The following ASTN2 variants were observed in gnomAD, a reference collection of about 807,000 sequenced individuals.
ASTN2 encodes the protein astrotactin 2.
In ASTN2, 54 loss-of-function variants were observed where a neutral mutation model predicts 139.8. The ratio of observed to expected loss-of-function variants is 0.39; its 90% CI spans 0.31 to 0.48. The LOEUF is 0.48. Among genes scored for constraint, ASTN2 ranks in the 20% least tolerant of loss-of-function variants. The pLI, the probability that ASTN2 is intolerant of heterozygous loss-of-function variation, is 0.95. For missense variants in ASTN2, 1,565 were observed against 1,725.1 expected, an observed-to-expected ratio of 0.91 and a Z score of 1.64; for synonymous variants, 756 against 719.5, an observed-to-expected ratio of 1.05 and a Z score of -0.81.
At chr9:117,249,211 G>A (rs550064339) in intron 2 of ASTN2, among the ~76,000 whole-genome samples, 36 of 152,184 alleles carry the variant, frequency 2.4e-4, no homozygotes, top group African/African-American at 8.7e-4. Context: ...AGAAAAACAA[G>A]GCAATAAACC....
At chr9:116,997,488 G>A (rs1837059532) in intron 7 of ASTN2, among the ~76,000 whole-genome samples, 1 of 151,944 alleles carries the variant, frequency 6.6e-6, no homozygotes, top group African/African-American at 2.4e-5. Context: ...TTTTTTTCAA[G>A]TCAACTTATT....
chr9:117,414,839 G>A lies in ASTN2; in HGVS notation c.100C>T (p.Leu34=), dbSNP rs2130989124. The change falls in exon 1 of 23, where the codon CTG becomes TTG. Residue 34 remains leucine (L), a synonymous_variant. Transcript: ENST00000313400. The surrounding 1 kb of genome is among the most constrained non-coding windows in gnomAD (Gnocchi z 4.2). ...AGCAGGAGCAGGAACAGCAGCAGCA[G>A]CGGCAGCAGTGGCGGCGGCCCCGGG... is the stretch of plus-strand genomic sequence containing the variant. ...FHPGPPPLLP[L]LLLFLLLLPP... 2 of 1,164,486 alleles carry A rather than the reference G, an allele frequency of 1.7e-6. No individual in the cohort carries two copies. Among genetic ancestry groups the A allele is most frequent in the Non-Finnish European group, 1.1e-6 (1 of 941,426 alleles). The allele number at this position is 1,164,486 out of a possible 1,614,324, so 72.1% of individuals were successfully genotyped here.
intron 10 of ASTN2, among the ~76,000 whole-genome samples, chr9:116,911,640 C>T (rs886472333): frequency 6.6e-6 from 1 of 152,164 alleles, no homozygotes; most frequent in African/African-American, 2.4e-5. Flanking sequence ...CGCGGTGGCT[C>T]ACGCTTGTAA....
intron 16 of ASTN2, among the ~76,000 whole-genome samples, chr9:116,701,926 G>GTACT (rs1173171748): frequency 2.5e-5 from 3 of 120,748 alleles, no homozygotes; most frequent in African/African-American, 9.4e-5. Context: ...CAGTACCCTT[G>GTACT]TCCAAATAAA....
At chr9:117,246,046 G>A (rs1833371732) in intron 2 of ASTN2, among the ~76,000 whole-genome samples, 1 of 152,114 alleles carries the variant, frequency 6.6e-6, no homozygotes. Context: ...GCGTGGCATA[G>A]TGCATGGCAC....
At chr9:117,337,189 C>G (rs3924643) in intron 1 of ASTN2, among the ~76,000 whole-genome samples, 1 of 151,570 alleles carries the variant, frequency 6.6e-6, no homozygotes, top group African/African-American at 2.4e-5. Context: ...CAACAAATTA[C>G]TATGAAATGG....
chr9:116,508,080 G>A (rs1026784916), intron 19 of ASTN2, among the ~76,000 whole-genome samples: 6 of 152,020 alleles, frequency 3.9e-5, no homozygotes, highest in Admixed American at 6.6e-5. Flanking sequence ...TAGTAGAGAC[G>A]GGGTTTCTCC....
At position 117,414,648 on chromosome 9, in the gene ASTN2, TCCGGCCCCGGTCCCAGCC is replaced by T. The variant is rs1026273970; in HGVS notation, c.273_290del (p.Gly93_Ala98del). The T allele has an allele frequency of 2.2e-6, 3 of 1,362,482 alleles. No individual in the cohort carries two copies. Among genetic ancestry groups the T allele is most frequent in the African/African-American group, 3.3e-5 (2 of 60,870 alleles). 84.4% of individuals were successfully genotyped at this position (1,362,482 alleles called of 1,614,324 possible). A position where few individuals can be genotyped will look rare whatever the true frequency, so the allele number is the denominator to read the frequency against. On this transcript the variant is annotated inframe_deletion, in exon 1 of 23. Transcript: ENST00000313400. The surrounding 1 kb of genome is among the most constrained non-coding windows in gnomAD (Gnocchi z 4.2). ...CCGGGGACGCGGCGGCGGCGGCGGC[TCCGGCCCCGGTCCCAGCC>T]CCGGCCCCGGCGCGGGCGCCGCTCC...
In ASTN2 at chr9:116,699,644, C is replaced by CTGTT; in HGVS notation, c.2806+26123_2806+26126dup. On this transcript the variant is annotated intron_variant, in intron 16 of 22. Coordinates refer to ENST00000313400, the MANE Select transcript of ASTN2 (RefSeq NM_001365068.1). This position sits in a 1 kb window ranked among gnomAD's most constrained non-coding sequence, Gnocchi z 4.2. ...CTAAGGGGCAGCTGCTGGTCTTGGA[C>CTGTT]TGTTGGGATCATTGCATCAAGATCT... 6.2e-7 allele frequency: 1 copy of CTGTT among 1,614,148 alleles called. No homozygotes were observed. Among genetic ancestry groups the CTGTT allele is most frequent in the South Asian group, 1.1e-5 (1 of 91,076 alleles).
At chr9:117,159,422 G>T (rs1003759866) in intron 3 of ASTN2, among the ~76,000 whole-genome samples, 11 of 152,056 alleles carry the variant, frequency 7.2e-5, no homozygotes, top group African/African-American at 2.7e-4. Flanking sequence ...GCGGATGAAG[G>T]TTGATGAAGT....
chr9:117,295,949 G>T (rs963504196), intron 1 of ASTN2, among the ~76,000 whole-genome samples: 2 of 152,000 alleles, frequency 1.3e-5, no homozygotes, highest in African/African-American at 4.8e-5. Flanking sequence ...ATGAAGCTGC[G>T]TGTGTATGTC....
At chr9:117,405,416 A>G (rs1290278854) in intron 1 of ASTN2, among the ~76,000 whole-genome samples, 1 of 152,238 alleles carries the variant, frequency 6.6e-6, no homozygotes, top group African/African-American at 2.4e-5. Flanking sequence ...CACTGTAGAA[A>G]GAATAGATAA....
At chr9:117,323,401 C>T (rs972012775) in intron 1 of ASTN2, among the ~76,000 whole-genome samples, 20 of 152,062 alleles carry the variant, frequency 1.3e-4, no homozygotes, top group African/African-American at 4.6e-4. Context: ...ATTTACCCAA[C>T]GTCTGGAATT....
intron 6 of ASTN2, among the ~76,000 whole-genome samples, chr9:117,011,991 T>C (rs1342392986): frequency 2.0e-5 from 3 of 152,184 alleles, no homozygotes; most frequent in African/African-American, 4.8e-5. Flanking sequence ...CTTTCTCTCA[T>C]AGACCGTGAT....
At chr9:116,509,775 T>C (rs1007250918) in intron 19 of ASTN2, among the ~76,000 whole-genome samples, 3 of 152,232 alleles carry the variant, frequency 2.0e-5, no homozygotes, top group African/African-American at 7.2e-5. Context: ...ATGAGCATTT[T>C]TGCACGTGTC....
chr9:117,318,625 A>G (rs10759916), intron 1 of ASTN2, among the ~76,000 whole-genome samples: 63,309 of 151,456 alleles, frequency 0.42, 13,531 homozygotes, highest in East Asian at 0.52. Flanking sequence ...GCCCAGCTTG[A>G]CACTCTCACA....
At chr9:116,887,131 C>T (rs1406416916) in intron 10 of ASTN2, among the ~76,000 whole-genome samples, 2 of 152,070 alleles carry the variant, frequency 1.3e-5, no homozygotes, top group African/African-American at 4.8e-5. Flanking sequence ...GACATTATGC[C>T]TATTTCATAA....
chr9:117,191,435 G>A (rs1048738782), intron 3 of ASTN2, among the ~76,000 whole-genome samples: 9 of 152,032 alleles, frequency 5.9e-5, no homozygotes, highest in Admixed American at 2.6e-4. Context: ...ATTCAATGGG[G>A]CATACAAAAA....
chr9:117,196,315 TCAG>T (rs1435858587), intron 3 of ASTN2, among the ~76,000 whole-genome samples: 2 of 152,150 alleles, frequency 1.3e-5, no homozygotes, highest in African/African-American at 4.8e-5. Flanking sequence ...TCAGCTGTTG[TCAG>T]CAGCAGCAGC....
Sources: gnomAD v4.1 joint callset for allele counts (sites outside exome capture counted in the v4.1 genomes callset) on GRCh38, gnomAD v4.1.1 for gene constraint, Gnocchi (gnomAD v3.1) non-coding constraint, MANE v1.5 for transcripts, NCBI Gene and HGNC (gene_info 2026-07-23, HGNC 2026-07-21) for gene names.